The following CYP4X1 variants were observed in gnomAD, a reference collection of about 807,000 sequenced individuals.
CYP4X1 encodes cytochrome P450 family 4 subfamily X member 1.
CYP4X1 carries 44 observed loss-of-function variants against 57.9 expected under a neutral mutation model. The observed-to-expected ratio is 0.76, with a 90% confidence interval of 0.60 to 0.98. The LOEUF (loss-of-function observed/expected upper bound fraction) is 0.98. Ranked by LOEUF, CYP4X1 falls within the 50% of genes least tolerant of loss-of-function variation. CYP4X1 has a pLI of 0.00. For missense variants in CYP4X1, 532 were observed against 623.9 expected (o/e 0.85, Z 1.57); for synonymous variants, 227 against 228.6 (o/e 0.99, Z 0.06).
the CYP4X1 span, among the ~76,000 whole-genome samples, chr1:46,983,073 T>C: frequency 6.6e-6 from 1 of 152,196 alleles, no homozygotes; most frequent in Non-Finnish European, 1.5e-5. Context: ...GGTGGGGAGC[T>C]TGTGGGAAAG....
chr1:47,009,217 AC>A, the CYP4X1 span, among the ~76,000 whole-genome samples: 1 of 152,188 alleles, frequency 6.6e-6, no homozygotes, highest in African/African-American at 2.4e-5. Context: ...TGTCTCTCAG[AC>A]CACAGTGCAA....
At chr1:47,054,237 A>G (rs894327523), downstream of CYP4X1, among the ~76,000 whole-genome samples, 1 of 151,920 alleles carries the variant, frequency 6.6e-6, no homozygotes, top group Admixed American at 6.6e-5. Flanking sequence ...GTAGATATGC[A>G]GCATTATTTC....
intron 5 of CYP4X1, 31 bp from the exon 6 acceptor site, chr1:47,035,986 A>G: frequency 6.2e-7 from 1 of 1,610,944 alleles, no homozygotes; most frequent in Non-Finnish European, 8.5e-7. Flanking sequence ...TAAGTTGTTT[A>G]TTAACACATT....
intron 7 of CYP4X1, among the ~76,000 whole-genome samples, chr1:47,039,034 A>T (rs1644216367): frequency 6.6e-6 from 1 of 152,164 alleles, no homozygotes; most frequent in Non-Finnish European, 1.5e-5. Context: ...GCATCATGAA[A>T]AAATGGTCAC....
downstream of CYP4X1, among the ~76,000 whole-genome samples, chr1:47,054,061 G>T (rs986330483): frequency 4.2e-3 from 631 of 151,612 alleles, 8 homozygotes; most frequent in African/African-American, 0.015. Context: ...GGTCTAACAT[G>T]TAAGTCTTTA....
chr1:46,972,009 A>G, the CYP4X1 span, among the ~76,000 whole-genome samples: 1 of 152,172 alleles, frequency 6.6e-6, no homozygotes, highest in African/African-American at 2.4e-5. Flanking sequence ...ATTATTTGCC[A>G]GGGCCTATGG....
chr1:47,037,272 A>ATT (rs34146521), intron 6 of CYP4X1, among the ~76,000 whole-genome samples: 35 of 115,842 alleles, frequency 3.0e-4, no homozygotes, highest in Non-Finnish European at 4.4e-4. Flanking sequence ...AACCTTTTCA[A>ATT]TTTTTTTTTT....
intron 10 of CYP4X1, 101 bp from the exon 11 acceptor site, chr1:47,049,321 G>A: frequency 1.2e-6 from 1 of 838,272 alleles, no homozygotes; most frequent in Non-Finnish European, 2.0e-6. Flanking sequence ...AATTACACAT[G>A]TAGATCACAT....
chr1:46,975,446 A>G, the CYP4X1 span, among the ~76,000 whole-genome samples: 1 of 151,412 alleles, frequency 6.6e-6, no homozygotes, highest in Non-Finnish European at 1.5e-5. Flanking sequence ...TGGATATGAA[A>G]TTCTTGGTTG....
chr1:47,027,427 A>T (rs944564656), intron 1 of CYP4X1, among the ~76,000 whole-genome samples: 1 of 152,192 alleles, frequency 6.6e-6, no homozygotes, highest in African/African-American at 2.4e-5. Context: ...ACGTGCATAC[A>T]ATGTGCAGTG....
intron 4 of CYP4X1, among the ~76,000 whole-genome samples, chr1:47,034,936 A>C (rs1281300066): frequency 6.6e-6 from 1 of 151,112 alleles, no homozygotes; most frequent in Admixed American, 6.6e-5. Flanking sequence ...TTCTACATTC[A>C]CCATTTGTTC....
At chr1:47,047,456 TCA>T (rs1644314672) in intron 9 of CYP4X1, among the ~76,000 whole-genome samples, 1 of 152,186 alleles carries the variant, frequency 6.6e-6, no homozygotes, top group Admixed American at 6.5e-5. Context: ...CAAATAACCC[TCA>T]CATTCTCTCT....
chr1:47,011,718 A>G, the CYP4X1 span, among the ~76,000 whole-genome samples: 1 of 152,206 alleles, frequency 6.6e-6, no homozygotes, highest in Admixed American at 6.5e-5. Context: ...ACAAGAAAAA[A>G]TCAAACAACC....
downstream of CYP4X1, among the ~76,000 whole-genome samples, chr1:47,050,995 G>T (rs1644355893): frequency 6.6e-6 from 1 of 152,004 alleles, no homozygotes; most frequent in African/African-American, 2.4e-5. Flanking sequence ...TCTGACAAAG[G>T]CCTAATATCC....
intron 8 of CYP4X1, among the ~76,000 whole-genome samples, chr1:47,044,187 T>G (rs1193429056): frequency 6.6e-6 from 1 of 152,228 alleles, no homozygotes; most frequent in Non-Finnish European, 1.5e-5. Context: ...CTTACTCTTT[T>G]CCTTTGTGAT....
At chr1:47,049,621 AT>A in intron 11 of CYP4X1, 117 bp downstream of exon 11, 2 of 905,120 alleles carry the variant, frequency 2.2e-6, no homozygotes, top group Non-Finnish European at 3.5e-6. Context: ...CTTGGTGCCT[AT>A]TTGAGCCCCA....
chr1:46,977,085 T>C, the CYP4X1 span, among the ~76,000 whole-genome samples: 3 of 152,080 alleles, frequency 2.0e-5, no homozygotes, highest in African/African-American at 7.3e-5. Context: ...GGATCACAGC[T>C]CCTCACTAGT....
intron 4 of CYP4X1, 45 bp from the exon 5 acceptor site, chr1:47,035,761 G>A (rs779988069): frequency 6.3e-7 from 1 of 1,582,882 alleles, no homozygotes; most frequent in Admixed American, 1.8e-5. Flanking sequence ...AAGGCAATTT[G>A]GTCATGGTGG....
chr1:47,044,026 C>T (rs1056064416), intron 8 of CYP4X1, among the ~76,000 whole-genome samples: 2 of 152,022 alleles, frequency 1.3e-5, no homozygotes, highest in Non-Finnish European at 1.5e-5. Flanking sequence ...ATGCTTGGGT[C>T]TTGTTTTATT....
Sources: allele counts gnomAD v4.1 joint callset (sites outside exome capture counted in the v4.1 genomes callset), GRCh38; gene constraint gnomAD v4.1.1; transcripts MANE v1.5; gene names NCBI Gene and HGNC (gene_info 2026-07-23, HGNC 2026-07-21).